SH3GL2: variants seen among roughly 807,000 people sequenced by gnomAD.
SH3GL2 encodes the protein endophilin-A1.
A neutral mutation model predicts 46.0 loss-of-function variants in SH3GL2; 24 were observed. That is an observed-to-expected ratio of 0.52 (90% CI 0.38 to 0.73). The LOEUF is 0.73. Ranked by LOEUF, SH3GL2 falls within the 30% of genes least tolerant of loss-of-function variation. SH3GL2 has a pLI of 0.00. For missense variants in SH3GL2, 413 were observed against 424.2 expected (o/e 0.97, Z 0.23); for synonymous variants, 196 against 147.1 (o/e 1.33, Z -2.40).
intron 1 of SH3GL2, among the ~76,000 whole-genome samples, chr9:17,717,052 T>C (rs1349024346): frequency 1.3e-5 from 2 of 152,112 alleles, no homozygotes; most frequent in African/African-American, 4.8e-5. Flanking sequence ...CAGAACCTGG[T>C]AGCTATCTAT....
chr9:17,679,383 T>C (rs1367268046), intron 1 of SH3GL2, among the ~76,000 whole-genome samples: 4 of 152,286 alleles, frequency 2.6e-5, no homozygotes, highest in African/African-American at 9.6e-5. Flanking sequence ...TATTTTATTC[T>C]CTTTGAAGCA....
At chr9:17,710,824 CCT>C (rs1821601446) in intron 1 of SH3GL2, among the ~76,000 whole-genome samples, 1 of 152,018 alleles carries the variant, frequency 6.6e-6, no homozygotes, top group African/African-American at 2.4e-5. Flanking sequence ...ACAGCTCTCT[CCT>C]CTTATCTGCA....
At chr9:17,580,327 G>A (rs115942910) in intron 1 of SH3GL2, among the ~76,000 whole-genome samples, 293 of 152,300 alleles carry the variant, frequency 1.9e-3, no homozygotes, top group African/African-American at 6.1e-3. Context: ...TAATTTCTCG[G>A]AAGTAGTGAG....
chr9:17,784,600 C>G (rs996912660), intron 3 of SH3GL2, among the ~76,000 whole-genome samples: 3 of 152,170 alleles, frequency 2.0e-5, no homozygotes, highest in African/African-American at 7.2e-5. Context: ...CACTGTTTAT[C>G]TTACTCCTCA....
intron 1 of SH3GL2, among the ~76,000 whole-genome samples, chr9:17,683,945 G>C (rs1588236678): frequency 6.6e-6 from 1 of 152,060 alleles, no homozygotes; most frequent in South Asian, 2.1e-4. Flanking sequence ...CCACACTTAA[G>C]ATTAGCAGGA....
At chr9:17,739,217 C>G (rs915590898) in intron 1 of SH3GL2, among the ~76,000 whole-genome samples, 2 of 152,034 alleles carry the variant, frequency 1.3e-5, no homozygotes, top group Non-Finnish European at 2.9e-5. Flanking sequence ...CTTGCTTTGG[C>G]CTTGTCAACA....
chr9:17,629,106 G>T (rs113366350), intron 1 of SH3GL2, among the ~76,000 whole-genome samples: 2 of 152,038 alleles, frequency 1.3e-5, no homozygotes, highest in Admixed American at 1.3e-4. Context: ...GGAGGATTGC[G>T]TGGAGTTTGG....
chr9:17,726,890 C>T (rs10756905), intron 1 of SH3GL2, among the ~76,000 whole-genome samples: 30,566 of 152,040 alleles, frequency 0.2, 3,601 homozygotes, highest in East Asian at 0.4. Context: ...GGGAGGAATG[C>T]AGCAGTAACA....
intron 1 of SH3GL2, among the ~76,000 whole-genome samples, chr9:17,715,809 C>G (rs757084334): frequency 2.6e-5 from 4 of 151,950 alleles, no homozygotes; most frequent in Non-Finnish European, 5.9e-5. Flanking sequence ...ATAGCTTAGC[C>G]TAGCCTACCT....
At chr9:17,671,621 TACCTACA>T (rs1211452688) in intron 1 of SH3GL2, among the ~76,000 whole-genome samples, 1 of 152,130 alleles carries the variant, frequency 6.6e-6, no homozygotes, top group Non-Finnish European at 1.5e-5. Flanking sequence ...ATCTATTATG[TACCTACA>T]AAACTAAAAA....
At chr9:17,687,338 G>A (rs1588240197) in intron 1 of SH3GL2, among the ~76,000 whole-genome samples, 1 of 152,056 alleles carries the variant, frequency 6.6e-6, no homozygotes, top group South Asian at 2.1e-4. Context: ...AAGTGAACAA[G>A]TATTATTTTG....
chr9:17,740,933 G>T (rs538690608), intron 1 of SH3GL2, among the ~76,000 whole-genome samples: 14 of 151,934 alleles, frequency 9.2e-5, no homozygotes, highest in Non-Finnish European at 1.9e-4. Context: ...TCTTTTTCAC[G>T]CAACTATTAG....
rs1818225589 is a variant in SH3GL2, at chr9:17,579,219, G to A, written c.-24G>A. On this transcript the variant is annotated 5_prime_UTR_variant, in exon 1 of 9. Transcript: ENST00000380607. ...TCCGCCTCCTCCCTCCCGCACAGCA[G>A]CCGCCAGCGCGGCCTCCTGCACCAT... 6.5e-7 allele frequency: 1 copy of A among 1,535,404 alleles called. No individual in the cohort carries two copies. The highest frequency in any genetic ancestry group is 1.2e-5 in the South Asian group (1 of 83,476).
At chr9:17,604,772 G>T (rs1261337141) in intron 1 of SH3GL2, among the ~76,000 whole-genome samples, 1 of 152,130 alleles carries the variant, frequency 6.6e-6, no homozygotes, top group Non-Finnish European at 1.5e-5. Context: ...GTCTTCAAGG[G>T]CGGTGCTGAG....
At chr9:17,667,332 T>C (rs1357676426) in intron 1 of SH3GL2, among the ~76,000 whole-genome samples, 1 of 152,158 alleles carries the variant, frequency 6.6e-6, no homozygotes, top group Non-Finnish European at 1.5e-5. Flanking sequence ...AGCATTTTCA[T>C]CTTCCTAAAA....
At chr9:17,789,599 C>T in intron 6 of SH3GL2, 49 bp downstream of exon 6, 1 of 1,606,202 alleles carries the variant, frequency 6.2e-7, no homozygotes, top group Non-Finnish European at 8.5e-7. Context: ...CGAGGCACAA[C>T]ATTAATATGT....
intron 1 of SH3GL2, among the ~76,000 whole-genome samples, chr9:17,639,508 A>G (rs1226058709): frequency 3.9e-5 from 6 of 152,248 alleles, no homozygotes; most frequent in Non-Finnish European, 8.8e-5. Flanking sequence ...GAATGGCCAA[A>G]GTTAAAAAGA....
chr9:17,732,023 A>G (rs575978417), intron 1 of SH3GL2, among the ~76,000 whole-genome samples: 5 of 152,190 alleles, frequency 3.3e-5, no homozygotes, highest in Non-Finnish European at 7.4e-5. Flanking sequence ...GGAAACAAGC[A>G]TATAAAAAAG....
intron 3 of SH3GL2, among the ~76,000 whole-genome samples, chr9:17,785,771 A>G (rs529742389): frequency 1.3e-5 from 2 of 152,188 alleles, no homozygotes; most frequent in Non-Finnish European, 2.9e-5. Context: ...TTCTCTAGTT[A>G]TGTGCTGGAG....
Sources: gnomAD v4.1 joint callset for allele counts (sites outside exome capture counted in the v4.1 genomes callset) on GRCh38, gnomAD v4.1.1 for gene constraint, MANE v1.5 for transcripts, NCBI Gene and HGNC (gene_info 2026-07-23, HGNC 2026-07-21) for gene names.